The following CACNA1E variants were observed in gnomAD, a reference collection of about 807,000 sequenced individuals.
CACNA1E encodes voltage-dependent R-type calcium channel subunit alpha-1E.
Under a neutral mutation model 259.2 loss-of-function variants are expected in CACNA1E, and 40 were observed. The ratio of observed to expected loss-of-function variants is 0.15; its 90% CI spans 0.12 to 0.20. The LOEUF is 0.20. Among genes scored for constraint, CACNA1E ranks in the 10% least tolerant of loss-of-function variants. CACNA1E has a pLI of 1.00. For missense variants in CACNA1E, 1,874 were observed against 3,040.1 expected (o/e 0.62, Z 9.02); for synonymous variants, 1,104 against 1,138.5 (o/e 0.97, Z 0.61).
intron 43 of CACNA1E, among the ~76,000 whole-genome samples, chr1:181,787,276 TGC>T (rs2102854449): frequency 6.6e-6 from 1 of 152,208 alleles, no homozygotes; most frequent in East Asian, 1.9e-4. Context: ...CCCGCCACTA[TGC>T]CCAGCTAATT....
At chr1:181,329,527 G>T (rs907525048) in intron 1 of CACNA1E, among the ~76,000 whole-genome samples, 19 of 151,782 alleles carry the variant, frequency 1.3e-4, no homozygotes, top group Non-Finnish European at 2.6e-4. Flanking sequence ...TTTAAAACAC[G>T]CCACACTCTT....
At chr1:181,466,711 G>A (rs1373062582) in intron 2 of CACNA1E, among the ~76,000 whole-genome samples, 1 of 152,052 alleles carries the variant, frequency 6.6e-6, no homozygotes, top group African/African-American at 2.4e-5. Context: ...TCCTCCTAGG[G>A]ATTTCCTTTT....
At chr1:181,489,455 T>A (rs1227588362) in intron 1 of CACNA1E, among the ~76,000 whole-genome samples, 1 of 152,214 alleles carries the variant, frequency 6.6e-6, no homozygotes, top group Admixed American at 6.5e-5. Context: ...ATCTACTTTT[T>A]CTCTAAGACC....
intron 2 of CACNA1E, among the ~76,000 whole-genome samples, chr1:181,477,271 G>T (rs1662922371): frequency 6.6e-6 from 1 of 151,664 alleles, no homozygotes; most frequent in South Asian, 2.1e-4. Flanking sequence ...GCTGCCTCCA[G>T]TGGGAGGGGA....
chr1:181,350,836 G>C (rs1465557579), intron 1 of CACNA1E, among the ~76,000 whole-genome samples: 1 of 152,198 alleles, frequency 6.6e-6, no homozygotes. Flanking sequence ...GCAAGTATTT[G>C]TTGGGTGCCC....
intron 6 of CACNA1E, among the ~76,000 whole-genome samples, chr1:181,600,142 A>G (rs1297789453): frequency 6.6e-6 from 1 of 152,104 alleles, no homozygotes; most frequent in Non-Finnish European, 1.5e-5. Context: ...AAGCCCTGGG[A>G]TATCTGTGGA....
chr1:181,455,488 G>C (rs1424737922), intron 2 of CACNA1E, among the ~76,000 whole-genome samples: 1 of 152,140 alleles, frequency 6.6e-6, no homozygotes, highest in Non-Finnish European at 1.5e-5. Flanking sequence ...TGGATGCCTT[G>C]TCTTTTTACC....
intron 6 of CACNA1E, among the ~76,000 whole-genome samples, chr1:181,619,212 A>G (rs1655501124): frequency 6.6e-6 from 1 of 151,956 alleles, no homozygotes. Flanking sequence ...GGAGGGCCTG[A>G]TGGTGTACTT....
At position 181,592,649 on chromosome 1, in the gene CACNA1E, T is replaced by C. The variant is rs542410686; in HGVS notation, c.951+11873T>C. Among the ~76,000 whole-genome samples, 4 of 152,250 alleles carry C rather than the reference T, an allele frequency of 2.6e-5. No homozygotes were observed. The South Asian group carries it at 8.3e-4, about 32-fold the overall frequency. The stretch of plus-strand genomic sequence containing the variant: ...TTTGAAATGCTCTTAAAGAGACCCA[T>C]ACCTAGGCAATCTGAGGGGTGCTGG... On this transcript the variant is annotated intron_variant, in intron 6 of 47. Transcript: ENST00000367573.
chr1:181,354,758 G>C (rs887849440), intron 1 of CACNA1E, among the ~76,000 whole-genome samples: 1 of 152,176 alleles, frequency 6.6e-6, no homozygotes, highest in Non-Finnish European at 1.5e-5. Context: ...AGAGGGTTTG[G>C]GGGGATAATG....
At chr1:181,698,991 T>C (rs141447540) in intron 7 of CACNA1E, among the ~76,000 whole-genome samples, 1 of 152,320 alleles carries the variant, frequency 6.6e-6, no homozygotes, top group African/African-American at 2.4e-5. Context: ...TGATGTTGCT[T>C]TACAGCTTTG....
intron 27 of CACNA1E, among the ~76,000 whole-genome samples, chr1:181,753,040 T>C (rs1378117596): frequency 6.6e-6 from 1 of 152,214 alleles, no homozygotes; most frequent in African/African-American, 2.4e-5. Flanking sequence ...TGAATTCCTG[T>C]GAATGACAGC....
chr1:181,494,363 TAGTC>T (rs1044106888), intron 1 of CACNA1E, among the ~76,000 whole-genome samples: 16 of 151,994 alleles, frequency 1.1e-4, no homozygotes, highest in Non-Finnish European at 2.1e-4. Flanking sequence ...TGACTTGAGA[TAGTC>T]AGCTAAAATC....
At chr1:181,782,463 T>A (rs61813240) in intron 39 of CACNA1E, among the ~76,000 whole-genome samples, 1 of 152,212 alleles carries the variant, frequency 6.6e-6, no homozygotes, top group African/African-American at 2.4e-5. Context: ...GAACACATCA[T>A]AGTAATGTTT....
At chr1:181,762,678 A>C (rs1265667744) in intron 33 of CACNA1E, 21 bp downstream of exon 33, 7 of 1,453,198 alleles carry the variant, frequency 4.8e-6, no homozygotes, top group Middle Eastern at 3.5e-4. Context: ...TATAAGATCC[A>C]TGTCTGTAAG....
intron 1 of CACNA1E, among the ~76,000 whole-genome samples, chr1:181,378,672 G>A (rs957818766): frequency 6.6e-5 from 10 of 152,208 alleles, no homozygotes; most frequent in Non-Finnish European, 1.3e-4. Context: ...AGAGGTAACA[G>A]TGCCCAGAAT....
chr1:181,750,572 T>A, intron 26 of CACNA1E, 85 bp downstream of exon 26: 1 of 1,251,944 alleles, frequency 8.0e-7, no homozygotes, highest in Non-Finnish European at 1.2e-6. Context: ...GGGGAGGGGC[T>A]CACGCACTGA....
chr1:181,548,201 C>T (rs969429241), intron 3 of CACNA1E, among the ~76,000 whole-genome samples: 7 of 150,298 alleles, frequency 4.7e-5, no homozygotes, highest in East Asian at 2.0e-4. Context: ...CTCAGCTCAC[C>T]GCAACCTCTG....
chr1:181,603,249 C>A (rs1032598251), intron 6 of CACNA1E, among the ~76,000 whole-genome samples: 2 of 152,172 alleles, frequency 1.3e-5, no homozygotes. Context: ...TGGATATAAA[C>A]CCAGTTAATT....
Sources: gnomAD v4.1 joint callset for allele counts (sites outside exome capture counted in the v4.1 genomes callset) on GRCh38, gnomAD v4.1.1 for gene constraint, MANE v1.5 for transcripts, NCBI Gene and HGNC (gene_info 2026-07-23, HGNC 2026-07-21) for gene names.